The following SYT16 variants were observed in gnomAD, a reference collection of about 807,000 sequenced individuals.
The protein encoded by SYT16 is synaptotagmin 16, also known as synaptotagmin-16.
A neutral mutation model predicts 61.4 loss-of-function variants in SYT16; 42 were observed. The ratio of observed to expected loss-of-function variants is 0.68; its 90% confidence interval spans 0.53 to 0.89. The LOEUF is 0.89. SYT16 is among the 40% of genes least tolerant of loss of function. The pLI is 0.00. For missense variants in SYT16, 804 were observed against 807.3 expected, an observed-to-expected ratio of 1.00 and a Z score of 0.05; for synonymous variants, 314 against 302.3, an observed-to-expected ratio of 1.04 and a Z score of -0.40.
intron 1 of SYT16, among the ~76,000 whole-genome samples, chr14:61,946,494 A>G (rs975145576): frequency 1.3e-5 from 2 of 152,222 alleles, no homozygotes; most frequent in Admixed American, 1.3e-4. Flanking sequence ...CTAAAAGGCC[A>G]GAATTCATGA....
chr14:61,893,103 A>G (rs1292402724), intron 1 of SYT16, among the ~76,000 whole-genome samples: 2 of 152,142 alleles, frequency 1.3e-5, no homozygotes, highest in African/African-American at 2.4e-5. Flanking sequence ...CACACTTCCC[A>G]TTAACTGGAA....
At chr14:62,012,798 G>A (rs2053521516) in intron 3 of SYT16, among the ~76,000 whole-genome samples, 1 of 152,080 alleles carries the variant, frequency 6.6e-6, no homozygotes, top group Non-Finnish European at 1.5e-5. Context: ...GGTGCATCCA[G>A]GAATTGTTCT....
At position 62,084,371 on chromosome 14, in the gene SYT16, T is replaced by C; in HGVS notation, c.1610T>C (p.Val537Ala). 2 of 1,612,202 alleles carry C rather than the reference T, an allele frequency of 1.2e-6. No homozygotes were observed. Among genetic ancestry groups the C allele is most frequent in the Non-Finnish European group, 1.7e-6 (2 of 1,179,702 alleles). Residue 537 changes from valine to alanine, a missense_variant, in exon 7 of 8, where the codon GTT becomes GCT. Val to Ala is a moderately conservative substitution (Grantham distance 64). Transcript: ENST00000683842. ...IKGSHFRNLAVNRAPDTYGKL... is the reference protein window; with the variant it reads ...IKGSHFRNLAANRAPDTYGKL... Reference sequence around the variant, plus strand: ...GGCAGCCATTTCCGAAACCTCGCTGTTAACCGAGCACCTGGTAAGTGTGAG... The same window carrying C: ...GGCAGCCATTTCCGAAACCTCGCTGCTAACCGAGCACCTGGTAAGTGTGAG...
intron 3 of SYT16, among the ~76,000 whole-genome samples, chr14:62,023,495 T>C (rs1474196915): frequency 6.6e-6 from 1 of 152,174 alleles, no homozygotes; most frequent in African/African-American, 2.4e-5. Context: ...TTCACTCTTC[T>C]GTGCTTACCT....
At chr14:61,945,712 C>G (rs377509972) in intron 1 of SYT16, among the ~76,000 whole-genome samples, 1 of 151,780 alleles carries the variant, frequency 6.6e-6, no homozygotes, top group Non-Finnish European at 1.5e-5. Flanking sequence ...AAAAATTAGC[C>G]GGGCGTGGTG....
chr14:61,889,376 T>A (rs1468101716), intron 1 of SYT16, among the ~76,000 whole-genome samples: 1 of 152,156 alleles, frequency 6.6e-6, no homozygotes, highest in African/African-American at 2.4e-5. Flanking sequence ...TGCTATAGTT[T>A]AGGTGTTTGT....
rs545221985 is a variant in SYT16, at chr14:62,051,176, G to A, written c.524-18427G>A. ...TACTCAAGCCTGGGCAATGGCAGGC[G>A]CCCCTCCCCCAGCCTCACTGCTGCC... On this transcript the variant is annotated intron_variant, in intron 3 of 7. Transcript: ENST00000683842. Among the ~76,000 whole-genome samples, 18 of 152,284 alleles carry A rather than the reference G, an allele frequency of 1.2e-4. 1 individual carries two copies. The South Asian group carries it at 3.7e-3, about 32-fold the overall frequency.
chr14:62,084,204 G>T lies in SYT16; in HGVS notation c.1443G>T (p.Gly481=). Residue 481 remains glycine (G), a synonymous_variant, in exon 7 of 8, where the codon GGG becomes GGT. Transcript: ENST00000683842. The part of the protein sequence containing the change: ...LEPRSNISSG[G]SPLSPSAVSH... ...TTGTTCTTCCCCTCCAGAGTGGAGG[G>T]TCTCCGCTCAGCCCATCTGCGGTTT... 6.2e-7 allele frequency: 1 copy of T among 1,613,624 alleles called. No homozygotes were observed.
At chr14:62,040,868 T>C (rs142836114) in intron 3 of SYT16, among the ~76,000 whole-genome samples, 300 of 152,274 alleles carry the variant, frequency 2.0e-3, no homozygotes, top group African/African-American at 6.9e-3. Flanking sequence ...TTTGTTACAA[T>C]TGATGAACTG....
At chr14:62,046,146 A>G (rs1455450085) in intron 3 of SYT16, among the ~76,000 whole-genome samples, 1 of 152,134 alleles carries the variant, frequency 6.6e-6, no homozygotes, top group Admixed American at 6.5e-5. Context: ...TCGCCATTCT[A>G]ACTGGTGTGA....
intron 1 of SYT16, among the ~76,000 whole-genome samples, chr14:61,938,234 G>A (rs1023129369): frequency 6.6e-6 from 1 of 152,124 alleles, no homozygotes; most frequent in Non-Finnish European, 1.5e-5. Context: ...TGCTTCCCTG[G>A]TGTTTATTGA....
chr14:61,891,711 A>G (rs974108917), intron 1 of SYT16, among the ~76,000 whole-genome samples: 10 of 152,220 alleles, frequency 6.6e-5, no homozygotes, highest in Non-Finnish European at 1.2e-4. Flanking sequence ...GCCAGAAAAT[A>G]TAATAGTGTA....
At chr14:61,858,741 T>C (rs910623996) in intron 1 of SYT16, among the ~76,000 whole-genome samples, 8 of 152,204 alleles carry the variant, frequency 5.3e-5, no homozygotes, top group African/African-American at 1.9e-4. Flanking sequence ...GAGTAGGCAC[T>C]GATACAGGGG....
chr14:62,067,027 A>G (rs573251772), intron 3 of SYT16, among the ~76,000 whole-genome samples: 5 of 152,174 alleles, frequency 3.3e-5, no homozygotes, highest in Non-Finnish European at 5.9e-5. Flanking sequence ...TGAGACCTCA[A>G]TGATGAGTTA....
chr14:62,058,497 G>T (rs2055671937), intron 3 of SYT16, among the ~76,000 whole-genome samples: 1 of 151,838 alleles, frequency 6.6e-6, no homozygotes, highest in African/African-American at 2.4e-5. Context: ...CTGAGTAGCT[G>T]GGATTAGAGG....
intron 1 of SYT16, among the ~76,000 whole-genome samples, chr14:61,895,953 G>T (rs146882502): frequency 6.6e-6 from 1 of 152,186 alleles, no homozygotes; most frequent in Admixed American, 6.5e-5. Flanking sequence ...GGCAGTGCGC[G>T]TGGGGACAGT....
chr14:61,871,113 C>T (rs1328066731), intron 1 of SYT16, among the ~76,000 whole-genome samples: 1 of 152,094 alleles, frequency 6.6e-6, no homozygotes, highest in Non-Finnish European at 1.5e-5. Context: ...GCTTTTAAAC[C>T]TTTTTAGATG....
chr14:61,968,245 A>G (rs1275943202), intron 1 of SYT16, among the ~76,000 whole-genome samples: 2 of 152,124 alleles, frequency 1.3e-5, no homozygotes, highest in Non-Finnish European at 1.5e-5. Context: ...TGTGTGATGG[A>G]GTAAGACTCT....
intron 3 of SYT16, among the ~76,000 whole-genome samples, chr14:62,069,318 T>C (rs1236619054): frequency 6.6e-6 from 1 of 152,236 alleles, no homozygotes; most frequent in Non-Finnish European, 1.5e-5. Flanking sequence ...TCAGCAGGGC[T>C]GCCTGGCTCA....
Sources: gnomAD v4.1 joint callset for allele counts (sites outside exome capture counted in the v4.1 genomes callset) on GRCh38, gnomAD v4.1.1 for gene constraint, MANE v1.5 for transcripts, NCBI Gene and HGNC (gene_info 2026-07-23, HGNC 2026-07-21) for gene names.